Variants in NTNG1 observed in about 807,000 individuals in gnomAD.
The protein encoded by NTNG1 is netrin G1.
In NTNG1, 16 loss-of-function variants were observed where a neutral mutation model predicts 54.0. That is an observed-to-expected ratio of 0.30 (90% CI 0.20 to 0.45). The LOEUF (loss-of-function observed/expected upper bound fraction) is 0.45, where lower values mean the gene tolerates loss of function less well. NTNG1 is among the 20% of genes least tolerant of loss of function. The pLI, the probability that NTNG1 is intolerant of heterozygous loss-of-function variation, is 1.00. For synonymous variants in NTNG1, 255 were observed against 263.1 expected, an observed-to-expected ratio of 0.97 and a Z score of 0.30; for missense variants, 530 against 678.7, an observed-to-expected ratio of 0.78 and a Z score of 2.43.
chr1:107,276,200 T>G (rs773906744), intron 2 of NTNG1, among the ~76,000 whole-genome samples: 3 of 152,220 alleles, frequency 2.0e-5, no homozygotes, highest in Non-Finnish European at 4.4e-5. Context: ...GAGACTCTAT[T>G]AAATACTTGT....
At chr1:107,188,442 G>A (rs1171616581) in intron 2 of NTNG1, among the ~76,000 whole-genome samples, 2 of 152,172 alleles carry the variant, frequency 1.3e-5, no homozygotes, top group East Asian at 1.9e-4. Context: ...ATGCACATTC[G>A]CTCTGGGATT....
chr1:107,421,910 C>A (rs1413859897), intron 5 of NTNG1, among the ~76,000 whole-genome samples: 1 of 152,052 alleles, frequency 6.6e-6, no homozygotes, highest in South Asian at 2.1e-4. Flanking sequence ...TAAAACACCT[C>A]TTACAAAGAA....
At chr1:107,192,581 T>A (rs146054674) in intron 2 of NTNG1, among the ~76,000 whole-genome samples, 70 of 152,164 alleles carry the variant, frequency 4.6e-4, no homozygotes, top group African/African-American at 1.6e-3. Context: ...TAGGGACACA[T>A]GTATTTGCCT....
At chr1:107,369,301 T>G (rs770146845) in intron 3 of NTNG1, among the ~76,000 whole-genome samples, 32 of 152,180 alleles carry the variant, frequency 2.1e-4, no homozygotes, top group Non-Finnish European at 4.4e-4. Context: ...AACATAAGTT[T>G]AACTCTTTAA....
At chr1:107,226,212 A>G (rs1660666969) in intron 2 of NTNG1, among the ~76,000 whole-genome samples, 1 of 152,130 alleles carries the variant, frequency 6.6e-6, no homozygotes, top group South Asian at 2.1e-4. Context: ...ACAACAACAG[A>G]ACCCCCATGA....
chr1:107,171,772 C>T (rs912619259), intron 2 of NTNG1, among the ~76,000 whole-genome samples: 1 of 152,174 alleles, frequency 6.6e-6, no homozygotes, highest in African/African-American at 2.4e-5. Flanking sequence ...TCTGCAGTGA[C>T]AACTGTTCAC....
intron 2 of NTNG1, among the ~76,000 whole-genome samples, chr1:107,251,620 A>G (rs1662614801): frequency 1.3e-5 from 2 of 152,168 alleles, no homozygotes; most frequent in Admixed American, 1.3e-4. Context: ...GTACATTGGC[A>G]TCTAAATTAA....
chr1:107,480,756 T>G lies in NTNG1; in HGVS notation c.1536T>G (p.Ser512=). The G allele has an allele frequency of 6.2e-7, 1 of 1,606,938 alleles. No homozygotes were observed. The highest frequency in any genetic ancestry group is 1.1e-5 in the South Asian group (1 of 90,004). The change falls in exon 8 of 8, where the codon TCT becomes TCG. Residue 512 remains serine, a synonymous_variant. Coordinates refer to ENST00000370068, the MANE Select transcript of NTNG1 (RefSeq NM_001113226.3). ...CEEAGSCGSD[S]GQGAPPHGSP... is the part of the protein sequence containing the mutation. ...AGGCTGGCAGCTGCGGCTCCGACTC[T>G]GGCCAGGGCGCGCCCCCGCACGGCT...
intron 2 of NTNG1, among the ~76,000 whole-genome samples, chr1:107,159,079 C>G (rs1212837872): frequency 6.6e-6 from 1 of 152,134 alleles, no homozygotes; most frequent in African/African-American, 2.4e-5. Context: ...TGCATGCTCT[C>G]TCAAGAGAGA....
intron 3 of NTNG1, among the ~76,000 whole-genome samples, chr1:107,351,273 G>T (rs981378804): frequency 8.5e-5 from 13 of 152,154 alleles, no homozygotes; most frequent in African/African-American, 2.2e-4. Flanking sequence ...ATATATGGCT[G>T]TTTTAGTCAG....
chr1:107,296,913 G>A (rs901070983), intron 2 of NTNG1, among the ~76,000 whole-genome samples: 1 of 149,126 alleles, frequency 6.7e-6, no homozygotes, highest in South Asian at 2.1e-4. Flanking sequence ...ACTTATTTCA[G>A]TTTATTTCAG....
At chr1:107,319,352 T>G (rs1373362747) in intron 2 of NTNG1, among the ~76,000 whole-genome samples, 2 of 152,128 alleles carry the variant, frequency 1.3e-5, no homozygotes, top group African/African-American at 4.8e-5. Flanking sequence ...AGTCAGTCAC[T>G]AGCCTCCCAG....
At chr1:107,476,337 T>G (rs1429871506) in intron 7 of NTNG1, among the ~76,000 whole-genome samples, 2 of 152,142 alleles carry the variant, frequency 1.3e-5, no homozygotes, top group African/African-American at 4.8e-5. Flanking sequence ...CTTCTACTCT[T>G]TTTGATTCAT....
intron 7 of NTNG1, among the ~76,000 whole-genome samples, chr1:107,478,636 C>T (rs189407386): frequency 5.1e-4 from 77 of 152,274 alleles, no homozygotes; most frequent in Middle Eastern, 3.4e-3. Context: ...AGATATTTCC[C>T]TACCTCTAGT....
chr1:107,225,284 T>C (rs1242018776), intron 2 of NTNG1, among the ~76,000 whole-genome samples: 2 of 151,948 alleles, frequency 1.3e-5, no homozygotes, highest in Non-Finnish European at 2.9e-5. Context: ...TTAGCAGACA[T>C]CAAAATCCAA....
intron 7 of NTNG1, among the ~76,000 whole-genome samples, chr1:107,471,589 A>T (rs1677984165): frequency 6.6e-6 from 1 of 152,206 alleles, no homozygotes; most frequent in African/African-American, 2.4e-5. Flanking sequence ...GTGCACATTG[A>T]ATGAGAATAT....
In NTNG1 at chr1:107,354,033, A is replaced by C. The variant is rs144085819; in HGVS notation, c.887+29111A>C. On this transcript the variant is annotated intron_variant, in intron 3 of 7. Coordinates refer to ENST00000370068, the MANE Select transcript of NTNG1 (RefSeq NM_001113226.3). ...CCTCCCACAAGGCACCACCTCCAAC[A>C]CTGGGGATTACAATTTGACATGAGA... Among the ~76,000 whole-genome samples the C allele has an allele frequency of 4.1e-3, 622 of 152,264 alleles. 3 individuals are homozygous for C. The highest frequency in any genetic ancestry group is 0.014 in the African/African-American group (594 of 41,556).
intron 2 of NTNG1, among the ~76,000 whole-genome samples, chr1:107,175,100 T>C (rs910515092): frequency 3.3e-5 from 5 of 152,196 alleles, no homozygotes; most frequent in African/African-American, 1.2e-4. Context: ...AACCAAATTG[T>C]ATTTGCCTTT....
intron 2 of NTNG1, among the ~76,000 whole-genome samples, chr1:107,201,285 C>T (rs1271034395): frequency 6.6e-6 from 1 of 151,726 alleles, no homozygotes; most frequent in Admixed American, 6.6e-5. Context: ...GAATCATCTT[C>T]CTAAAGTCCC....
Sources: allele counts gnomAD v4.1 joint callset (sites outside exome capture counted in the v4.1 genomes callset), GRCh38; gene constraint gnomAD v4.1.1; transcripts MANE v1.5; gene names NCBI Gene and HGNC (gene_info 2026-07-23, HGNC 2026-07-21).